STK10: variants seen among roughly 807,000 people sequenced by gnomAD.
STK10 encodes serine/threonine-protein kinase 10.
A neutral mutation model predicts 113.8 loss-of-function variants in STK10; 78 were observed. The observed-to-expected ratio is 0.69, with a 90% CI of 0.57 to 0.83. The LOEUF (loss-of-function observed/expected upper bound fraction) is 0.83, where lower values mean the gene tolerates loss of function less well. Ranked by LOEUF, STK10 falls within the 40% of genes least tolerant of loss-of-function variation. STK10 has a pLI of 0.00. For synonymous variants in STK10, 465 were observed against 494.7 expected (o/e 0.94, Z 0.80); for missense variants, 1,109 against 1,280.1 (o/e 0.87, Z 2.04).
chr5:172,114,191 A>G (rs1205564013), intron 4 of STK10, among the ~76,000 whole-genome samples: 1 of 151,808 alleles, frequency 6.6e-6, no homozygotes, highest in Non-Finnish European at 1.5e-5. Context: ...AGGGAAGCCC[A>G]CGGAGAGTGG....
chr5:172,106,886 A>C (rs1298163098), intron 5 of STK10, 72 bp from the exon 6 acceptor site: 3 of 1,457,252 alleles, frequency 2.1e-6, no homozygotes, highest in Admixed American at 2.2e-5. Flanking sequence ...ATTCAGGGTC[A>C]AGGGCCACCA....
chr5:172,052,833 C>T (rs1767656960), intron 18 of STK10, 96 bp downstream of exon 18: 5 of 1,172,002 alleles, frequency 4.3e-6, no homozygotes, highest in Middle Eastern at 5.7e-4. Context: ...AGCAAGAGTC[C>T]ACCAAAATAA....
intron 12 of STK10, among the ~76,000 whole-genome samples, chr5:172,070,706 A>G (rs1768158537): frequency 6.6e-6 from 1 of 151,898 alleles, no homozygotes; most frequent in South Asian, 2.1e-4. Context: ...AATAAAATTA[A>G]TAATTAGACT....
At chr5:172,065,577 T>G (rs962157786) in intron 12 of STK10, among the ~76,000 whole-genome samples, 1 of 152,010 alleles carries the variant, frequency 6.6e-6, no homozygotes, top group East Asian at 1.9e-4. Context: ...CCAGGTGAAC[T>G]GACATCCCTA....
chr5:172,157,848 CCCAAAGTGTT>C (rs143955112), intron 1 of STK10, among the ~76,000 whole-genome samples: 7,051 of 152,160 alleles, frequency 0.046, 558 homozygotes, highest in African/African-American at 0.16. Flanking sequence ...ATCTCGGCCT[CCCAAAGTGTT>C]GGGATTACAG....
rs201970504 is a variant in STK10 at position 172,055,704 on chromosome 5, C to T, written c.2410G>A (p.Ala804Thr). 2 of 1,582,832 alleles carry T rather than the reference C, an allele frequency of 1.3e-6. No individual in the cohort carries two copies. The highest frequency in any genetic ancestry group is 1.4e-5 in the African/African-American group (1 of 73,974). The stretch of plus-strand genomic sequence containing the variant: ...CTCCTCTGGATCTTGGGCAGCCGCG[C>T]CTTTTCCTGTTGCTGCCGCACCTTC... ...QLKVRQQQEK[A>T]RLPKIQRSEG... The change falls in exon 16 of 19, where the codon GCG becomes ACG. Residue 804 changes from alanine to threonine, a missense_variant. Transcript: ENST00000176763.
intron 7 of STK10, among the ~76,000 whole-genome samples, chr5:172,099,746 G>A (rs550324463): frequency 2.1e-4 from 32 of 152,318 alleles, no homozygotes; most frequent in African/African-American, 6.3e-4. Context: ...GAACTTGAGC[G>A]AAACGCCACA....
At chr5:172,085,678 G>T (rs111298614) in intron 10 of STK10, among the ~76,000 whole-genome samples, 3,910 of 145,464 alleles carry the variant, frequency 0.027, 168 homozygotes, top group African/African-American at 0.096. Context: ...GACAGAGTGA[G>T]ACTCCATTTC....
chr5:172,117,743 G>GA, intron 3 of STK10, 113 bp from the exon 4 acceptor site: 1 of 1,430,136 alleles, frequency 7.0e-7, no homozygotes, highest in Non-Finnish European at 9.4e-7. Context: ...GGCCAGGCGT[G>GA]GTGGCTCACG....
At chr5:172,053,322 G>A in intron 17 of STK10, 1 of 348,996 alleles carries the variant, frequency 2.9e-6, no homozygotes, top group Non-Finnish European at 5.4e-6. Context: ...GAAGGCAGCT[G>A]TCCGCAAGCC....
At position 172,082,851 on chromosome 5, in the gene STK10, ATTG is replaced by A. The variant is rs1321133304; in HGVS notation, c.1809+107_1809+109del. ...TCGGGAAGCCCCCAGGAATTGGGCA[ATTG>A]TTGTGAATTACTCTCCACTACCCAA... On this transcript the variant is annotated intron_variant, in intron 11 of 18. Coordinates refer to ENST00000176763, the MANE Select transcript of STK10 (RefSeq NM_005990.4). This position sits in a 1 kb window ranked among gnomAD's most constrained non-coding sequence, Gnocchi z 4.3. The A allele has an allele frequency of 2.0e-6, 3 of 1,498,980 alleles. No individual in the cohort carries two copies. The highest frequency in any genetic ancestry group is 2.8e-5 in the African/African-American group (2 of 71,144). 92.9% of individuals were successfully genotyped at this position (1,498,980 alleles called of 1,614,324 possible). A position where few individuals can be genotyped will look rare whatever the true frequency, so the allele number is the denominator to read the frequency against.
chr5:172,188,107 G>C lies in STK10; in HGVS notation c.-65C>G. The C allele has an allele frequency of 6.4e-7, 1 of 1,564,002 alleles. No individual in the cohort carries two copies. The highest frequency in any genetic ancestry group is 1.2e-5 in the South Asian group (1 of 85,876). On this transcript the variant is annotated 5_prime_UTR_variant, in exon 1 of 19. Coordinates refer to ENST00000176763, the MANE Select transcript of STK10 (RefSeq NM_005990.4). The surrounding 1 kb of genome is among the most constrained non-coding windows in gnomAD (Gnocchi z 5.6). ...GGCTCGGGCTGTGGCTTCGGCGGCC[G>C]CGAGGAGAAGGAGGAGGAGTTGGAG...
At chr5:172,118,863 A>C (rs1300538498) in intron 3 of STK10, among the ~76,000 whole-genome samples, 1 of 131,410 alleles carries the variant, frequency 7.6e-6, no homozygotes, top group Non-Finnish European at 1.6e-5. Context: ...TGGGTGACAG[A>C]GCGAGACTCA....
chr5:172,073,753 C>G (rs886553010), intron 12 of STK10, among the ~76,000 whole-genome samples: 1 of 138,676 alleles, frequency 7.2e-6, no homozygotes, highest in African/African-American at 2.9e-5. Flanking sequence ...TCCAGACCAG[C>G]TTGGCCAACA....
At chr5:172,155,247 C>T (rs1283654648) in intron 2 of STK10, among the ~76,000 whole-genome samples, 2 of 152,104 alleles carry the variant, frequency 1.3e-5, no homozygotes, top group African/African-American at 4.8e-5. Flanking sequence ...CCTGTAATCC[C>T]AGCATTTTGG....
intron 4 of STK10, chr5:172,114,711 C>T (rs938514677): frequency 3.3e-5 from 5 of 151,590 alleles, no homozygotes; most frequent in African/African-American, 1.2e-4. Flanking sequence ...TCTTGATCTC[C>T]TGACCTCGTG....
At chr5:172,140,746 C>T (rs890018454) in intron 2 of STK10, among the ~76,000 whole-genome samples, 4 of 151,962 alleles carry the variant, frequency 2.6e-5, no homozygotes, top group African/African-American at 9.7e-5. Context: ...ACTATATGAT[C>T]CAGCAATCCC....
Position 172,083,020 on chromosome 5 carries a change from T to A in STK10, c.1750A>T (p.Ser584Cys). The A allele has an allele frequency of 6.2e-7, 1 of 1,614,168 alleles. No individual in the cohort carries two copies. The change falls in exon 11 of 19, where the codon AGT becomes TGT. Residue 584 changes from serine to cysteine, a missense_variant. Ser to Cys is a moderately radical substitution (Grantham distance 112). Transcript: ENST00000176763. ...TCCAGCTGCAGCTCATGCTTGTTACTCAGCTGGGTCTGGTTCCGATGCTCT... is the reference window on the plus strand; with the variant it reads ...TCCAGCTGCAGCTCATGCTTGTTACACAGCTGGGTCTGGTTCCGATGCTCT... ...KEEHRNQTQLSNKHELQLEQM... is the reference protein window; with the variant it reads ...KEEHRNQTQLCNKHELQLEQM...
At chr5:172,114,426 C>A (rs1769320456) in intron 4 of STK10, among the ~76,000 whole-genome samples, 1 of 129,390 alleles carries the variant, frequency 7.7e-6, no homozygotes, top group Non-Finnish European at 1.6e-5. Flanking sequence ...CTGTGTATAG[C>A]TCCAAATTTA....
Sources: gnomAD v4.1 joint callset for allele counts (sites outside exome capture counted in the v4.1 genomes callset) on GRCh38, gnomAD v4.1.1 for gene constraint, Gnocchi (gnomAD v3.1) non-coding constraint, MANE v1.5 for transcripts, NCBI Gene and HGNC (gene_info 2026-07-23, HGNC 2026-07-21) for gene names.